RASSF5: variants seen among roughly 807,000 people sequenced by gnomAD.
RASSF5 encodes the protein Ras association domain family member 5.
A neutral mutation model predicts 40.5 loss-of-function variants in RASSF5; 25 were observed. The ratio of observed to expected loss-of-function variants is 0.62; its 90% confidence interval spans 0.45 to 0.86. RASSF5 has a LOEUF of 0.86. Ranked by LOEUF, RASSF5 falls within the 40% of genes least tolerant of loss-of-function variation. The pLI is 0.00. For missense variants in RASSF5, 521 were observed against 572.8 expected, an observed-to-expected ratio of 0.91 and a Z score of 0.92; for synonymous variants, 246 against 252.4, an observed-to-expected ratio of 0.97 and a Z score of 0.24.
Position 206,584,753 on chromosome 1 carries a change from T to C in RASSF5, c.988+69T>C, listed in dbSNP as rs1240955928. On this transcript the variant is annotated intron_variant, in intron 4 of 5. Transcript: ENST00000579436. This position sits in a 1 kb window ranked among gnomAD's most constrained non-coding sequence, Gnocchi z 4.9. Reference sequence around the variant, plus strand: ...TGTGTCCAAGCCCACCCACTAAAACTCCTGCCGGCCTTGGGTGGGAGCTGT... The same window carrying C: ...TGTGTCCAAGCCCACCCACTAAAACCCCTGCCGGCCTTGGGTGGGAGCTGT... The C allele has an allele frequency of 6.4e-7, 1 of 1,550,818 alleles. No homozygotes were observed. Among genetic ancestry groups the C allele is most frequent in the Non-Finnish European group, 8.8e-7 (1 of 1,135,168 alleles).
intron 1 of RASSF5, among the ~76,000 whole-genome samples, chr1:206,522,882 T>G (rs1553396330): frequency 6.6e-6 from 1 of 152,100 alleles, no homozygotes. Context: ...TTTAAAAAAT[T>G]TAAAATGGTT....
chr1:206,511,052 A>G (rs1173559821), intron 1 of RASSF5, among the ~76,000 whole-genome samples: 1 of 152,150 alleles, frequency 6.6e-6, no homozygotes, highest in Admixed American at 6.5e-5. Flanking sequence ...AGCTTACCCC[A>G]CTTCAAGGTC....
intron 2 of RASSF5, among the ~76,000 whole-genome samples, chr1:206,553,230 G>A (rs1553401270): frequency 1.3e-5 from 2 of 152,080 alleles, no homozygotes; most frequent in Non-Finnish European, 2.9e-5. Context: ...AAAGGGCTCA[G>A]TAAATATTTG....
chr1:206,524,091 G>A (rs1225386849), intron 1 of RASSF5, among the ~76,000 whole-genome samples: 3 of 125,262 alleles, frequency 2.4e-5, no homozygotes, highest in African/African-American at 6.1e-5. Flanking sequence ...TATATAATAT[G>A]TATACCATAT....
intron 1 of RASSF5, among the ~76,000 whole-genome samples, chr1:206,525,834 G>A (rs782421968): frequency 1.3e-5 from 2 of 152,084 alleles, no homozygotes; most frequent in South Asian, 4.1e-4. Flanking sequence ...CAAAATGGTC[G>A]CTAAAAGTGT....
At chr1:206,532,244 G>A (rs1413510954) in intron 1 of RASSF5, among the ~76,000 whole-genome samples, 1 of 152,176 alleles carries the variant, frequency 6.6e-6, no homozygotes, top group Non-Finnish European at 1.5e-5. Flanking sequence ...GAAGGAGAGG[G>A]TAGGGGATGG....
intron 1 of RASSF5, among the ~76,000 whole-genome samples, chr1:206,524,532 T>A (rs1247191287): frequency 2.2e-5 from 3 of 133,812 alleles, no homozygotes; most frequent in African/African-American, 8.3e-5. Flanking sequence ...GGAGTGCATA[T>A]ATGTTTATAT....
intron 2 of RASSF5, among the ~76,000 whole-genome samples, chr1:206,565,311 T>C (rs1668256989): frequency 6.6e-6 from 1 of 152,198 alleles, no homozygotes; most frequent in African/African-American, 2.4e-5. Flanking sequence ...GTTTCAATCC[T>C]GTGTTTTCCC....
At chr1:206,570,543 C>T (rs1213091439) in intron 2 of RASSF5, among the ~76,000 whole-genome samples, 3 of 151,898 alleles carry the variant, frequency 2.0e-5, no homozygotes, top group African/African-American at 7.3e-5. Flanking sequence ...ACCAATTAAA[C>T]AGTAACTCAC....
chr1:206,544,906 A>AT (rs1207360143), intron 2 of RASSF5: 1 of 151,576 alleles, frequency 6.6e-6, no homozygotes, highest in South Asian at 2.1e-4. Context: ...AAAAAAAAAA[A>AT]GCTCCTGCGG....
chr1:206,524,418 A>G (rs1431617507), intron 1 of RASSF5, among the ~76,000 whole-genome samples: 1 of 141,224 alleles, frequency 7.1e-6, no homozygotes, highest in African/African-American at 2.6e-5. Context: ...AATACATTTT[A>G]TATATTATAG....
intron 1 of RASSF5, among the ~76,000 whole-genome samples, chr1:206,523,507 T>TATACAATATATA (rs1553396464): frequency 1.2e-4 from 2 of 17,330 alleles, no homozygotes; most frequent in African/African-American, 9.0e-4. Flanking sequence ...ATATATTTTA[T>TATACAATATATA]ATATTATATA....
intron 2 of RASSF5, chr1:206,557,042 C>A: frequency 1.7e-6 from 1 of 600,054 alleles, no homozygotes; most frequent in Non-Finnish European, 2.1e-6. Context: ...CCTTATATGA[C>A]CTGCAGTTCC....
At chr1:206,514,712 AT>A (rs1558494815) in intron 1 of RASSF5, among the ~76,000 whole-genome samples, 1 of 152,296 alleles carries the variant, frequency 6.6e-6, no homozygotes, top group South Asian at 2.1e-4. Context: ...TGATGTTCTT[AT>A]TTTTTTAAAA....
Position 206,588,078 on chromosome 1 carries a change from C to T in RASSF5, c.*1100C>T, listed in dbSNP as rs935435239. 3.9e-5 allele frequency: 6 copies of T among 152,762 alleles called. No individual in the cohort carries two copies. Among genetic ancestry groups the T allele is most frequent in the Admixed American group, 6.5e-5 (1 of 15,284 alleles). 9.5% of individuals were successfully genotyped at this position (152,762 alleles called of 1,614,324 possible). On this transcript the variant is annotated 3_prime_UTR_variant, in exon 6 of 6. Transcript: ENST00000579436. ...TCTGTTTTGAAGCATGGGCCAGACC[C>T]GGCACTGCGCTCGGAGAGCCGGTGG...
chr1:206,520,612 A>G (rs1212381712), intron 1 of RASSF5, among the ~76,000 whole-genome samples: 1 of 151,630 alleles, frequency 6.6e-6, no homozygotes, highest in African/African-American at 2.4e-5. Flanking sequence ...ATCTCAAAAA[A>G]AAAAAAAAAA....
chr1:206,578,207 CAGAG>C (rs2103561823), intron 2 of RASSF5, among the ~76,000 whole-genome samples: 1 of 135,670 alleles, frequency 7.4e-6, no homozygotes, highest in East Asian at 2.2e-4. Context: ...GACTGGGTGA[CAGAG>C]GGAGACATCT....
Position 206,587,238 on chromosome 1 carries a change from G to A in RASSF5, c.*260G>A, listed in dbSNP as rs1443960439. On this transcript the variant is annotated 3_prime_UTR_variant, in exon 6 of 6. Coordinates refer to ENST00000579436, the MANE Select transcript of RASSF5 (RefSeq NM_182663.4). ...AAACAAACAGCTGACGTCCTCTCTC[G>A]ATCTGCAAGCCTTTCACCAACCAAA... 3.2e-5 allele frequency: 14 copies of A among 432,478 alleles called. No individual in the cohort carries two copies. The highest frequency in any genetic ancestry group is 1.5e-4 in the South Asian group (7 of 46,838). 26.8% of individuals were successfully genotyped at this position (432,478 alleles called of 1,614,324 possible).
At chr1:206,571,532 G>A (rs1362929806) in intron 2 of RASSF5, 2 of 152,208 alleles carry the variant, frequency 1.3e-5, no homozygotes, top group African/African-American at 4.8e-5. Flanking sequence ...GTCACTGACT[G>A]TGGTGTGCTC....
Sources: gnomAD v4.1 joint callset for allele counts (sites outside exome capture counted in the v4.1 genomes callset) on GRCh38, gnomAD v4.1.1 for gene constraint, Gnocchi (gnomAD v3.1) non-coding constraint, MANE v1.5 for transcripts, NCBI Gene and HGNC (gene_info 2026-07-23, HGNC 2026-07-21) for gene names.